The following CNTN5 variants were observed in gnomAD, a reference collection of about 807,000 sequenced individuals.
CNTN5 encodes contactin-5.
Under a neutral mutation model 129.1 loss-of-function variants are expected in CNTN5, and 77 were observed. The observed-to-expected ratio is 0.60, with a 90% CI of 0.50 to 0.72. CNTN5 has a LOEUF of 0.72. Ranked by LOEUF, CNTN5 falls within the 30% of genes least tolerant of loss-of-function variation. The pLI is 0.00. For missense variants in CNTN5, 1,478 were observed against 1,328.8 expected (o/e 1.11, Z -1.75); for synonymous variants, 509 against 465.6 (o/e 1.09, Z -1.20).
chr11:99,404,722 C>A (rs7482995), intron 2 of CNTN5, among the ~76,000 whole-genome samples: 113,338 of 152,026 alleles, frequency 0.75, 43,099 homozygotes, highest in African/African-American at 0.9. Context: ...TGTCTTAAAA[C>A]GTTGTCATAG....
intron 1 of CNTN5, among the ~76,000 whole-genome samples, chr11:99,130,620 A>G (rs1858884949): frequency 6.6e-6 from 1 of 152,188 alleles, no homozygotes; most frequent in Admixed American, 6.5e-5. Flanking sequence ...CCTAATAGAT[A>G]TCTACAGAAC....
intron 3 of CNTN5, among the ~76,000 whole-genome samples, chr11:99,796,419 G>C (rs1206113370): frequency 1.3e-5 from 2 of 152,106 alleles, no homozygotes; most frequent in Non-Finnish European, 2.9e-5. Flanking sequence ...ATAGGCAAGT[G>C]TATGCTGGCA....
At chr11:99,902,991 A>T (rs1949398807) in intron 6 of CNTN5, among the ~76,000 whole-genome samples, 1 of 152,150 alleles carries the variant, frequency 6.6e-6, no homozygotes, top group Non-Finnish European at 1.5e-5. Flanking sequence ...GCTTCCAACG[A>T]TTTTTTAAAT....
chr11:100,036,236 A>AAG (rs1941993540), intron 9 of CNTN5, among the ~76,000 whole-genome samples: 1 of 152,056 alleles, frequency 6.6e-6, no homozygotes, highest in Admixed American at 6.6e-5. Context: ...TCCTTTCCCC[A>AAG]TTGCTTGTTT....
chr11:99,207,177 T>C (rs995322825), intron 1 of CNTN5, among the ~76,000 whole-genome samples: 2 of 152,146 alleles, frequency 1.3e-5, no homozygotes, highest in Non-Finnish European at 2.9e-5. Flanking sequence ...TGAAATCTTT[T>C]GATGAATAAA....
In CNTN5 at chr11:100,339,161, C is replaced by T. The variant is rs531567562; in HGVS notation, c.2731-1302C>T. The stretch of plus-strand genomic sequence containing the variant: ...GCTGTGTGTTAGCAGCTCAGTTGAC[C>T]CCTTGCCTCATCACATGGGGCAACT... On this transcript the variant is annotated intron_variant, in intron 21 of 24. Coordinates refer to ENST00000524871, the MANE Select transcript of CNTN5 (RefSeq NM_014361.4). Among the ~76,000 whole-genome samples the T allele has an allele frequency of 4.6e-5, 7 of 152,138 alleles. No individual in the cohort carries two copies. In the South Asian group the frequency reaches 1.2e-3, roughly 27 times the overall value.
intron 3 of CNTN5, among the ~76,000 whole-genome samples, chr11:99,606,582 A>G (rs1163192736): frequency 7.2e-6 from 1 of 138,428 alleles, no homozygotes; most frequent in Non-Finnish European, 1.6e-5. Context: ...TTCTTCAAAG[A>G]ATTGGAAAAA....
At chr11:99,125,038 A>T (rs1174707775) in intron 1 of CNTN5, among the ~76,000 whole-genome samples, 5 of 151,734 alleles carry the variant, frequency 3.3e-5, no homozygotes, top group Non-Finnish European at 4.4e-5. Context: ...AGAGATGTAT[A>T]AAAAAAAGCT....
At chr11:99,433,371 ATGTGTGTG>A (rs1555143806) in intron 2 of CNTN5, among the ~76,000 whole-genome samples, 57 of 140,892 alleles carry the variant, frequency 4.0e-4, no homozygotes, top group Non-Finnish European at 5.5e-4. Flanking sequence ...TAAAAAAAAA[ATGTGTGTG>A]TGTGTGTGTG....
At chr11:99,231,575 A>G (rs1402031633) in intron 1 of CNTN5, among the ~76,000 whole-genome samples, 1 of 152,132 alleles carries the variant, frequency 6.6e-6, no homozygotes, top group Non-Finnish European at 1.5e-5. Flanking sequence ...ATAGATTGCA[A>G]AAATTTTCTC....
intron 3 of CNTN5, among the ~76,000 whole-genome samples, chr11:99,811,554 A>C (rs140656898): frequency 1.3e-4 from 20 of 150,974 alleles, no homozygotes; most frequent in African/African-American, 4.6e-4. Flanking sequence ...ATGATCTCTA[A>C]AATGACCTTT....
chr11:99,843,048 T>G (rs1437965397), intron 4 of CNTN5, among the ~76,000 whole-genome samples: 2 of 152,108 alleles, frequency 1.3e-5, no homozygotes, highest in Non-Finnish European at 2.9e-5. Context: ...CTGGCCAACA[T>G]GGCAAAAACC....
intron 1 of CNTN5, among the ~76,000 whole-genome samples, chr11:99,236,133 C>T (rs1195548237): frequency 2.6e-5 from 4 of 152,012 alleles, no homozygotes; most frequent in Admixed American, 1.3e-4. Flanking sequence ...TCATGGAGTA[C>T]CAAGCATTGT....
chr11:99,456,876 A>G (rs1470599123), intron 2 of CNTN5, among the ~76,000 whole-genome samples: 1 of 152,072 alleles, frequency 6.6e-6, no homozygotes, highest in Non-Finnish European at 1.5e-5. Context: ...ATATGACTAG[A>G]TATTTTAATT....
chr11:99,477,391 ACT>A (rs1191380963), intron 2 of CNTN5, among the ~76,000 whole-genome samples: 2 of 151,732 alleles, frequency 1.3e-5, no homozygotes, highest in Non-Finnish European at 2.9e-5. Context: ...GTATAACTAA[ACT>A]CTGAGTCTCT....
chr11:99,354,841 C>T (rs2136091254), intron 2 of CNTN5, among the ~76,000 whole-genome samples: 1 of 152,286 alleles, frequency 6.6e-6, no homozygotes, highest in South Asian at 2.1e-4. Flanking sequence ...CATAGCTGTA[C>T]ATCACACAAA....
chr11:100,210,787 G>C (rs1182229684), intron 15 of CNTN5, among the ~76,000 whole-genome samples: 2 of 152,182 alleles, frequency 1.3e-5, no homozygotes, highest in Non-Finnish European at 2.9e-5. Flanking sequence ...TCAAGAATGT[G>C]TATGCAGTCA....
intron 3 of CNTN5, among the ~76,000 whole-genome samples, chr11:99,622,026 A>G (rs980265503): frequency 6.6e-6 from 1 of 152,178 alleles, no homozygotes; most frequent in Non-Finnish European, 1.5e-5. Context: ...AGAGCTACAC[A>G]CATTTGGGTG....
intron 3 of CNTN5, among the ~76,000 whole-genome samples, chr11:99,765,504 T>C (rs1213126913): frequency 6.6e-6 from 1 of 151,922 alleles, no homozygotes; most frequent in Non-Finnish European, 1.5e-5. Flanking sequence ...TGATTTGATA[T>C]AGAAGATTAA....
Sources: allele counts gnomAD v4.1 joint callset (sites outside exome capture counted in the v4.1 genomes callset), GRCh38; gene constraint gnomAD v4.1.1; transcripts MANE v1.5; gene names NCBI Gene and HGNC (gene_info 2026-07-23, HGNC 2026-07-21).